CNTNAP2: variants seen among roughly 807,000 people sequenced by gnomAD.
CNTNAP2 encodes the protein contactin-associated protein-like 2.
A neutral mutation model predicts 155.2 loss-of-function variants in CNTNAP2; 98 were observed. That is an observed-to-expected ratio of 0.63 (90% CI 0.54 to 0.75). CNTNAP2 has a LOEUF of 0.75. Among genes scored for constraint, CNTNAP2 ranks in the 30% least tolerant of loss-of-function variants. The pLI is 0.00. For missense variants in CNTNAP2, 1,727 were observed against 1,688.1 expected, an observed-to-expected ratio of 1.02 and a Z score of -0.40; for synonymous variants, 651 against 631.2, an observed-to-expected ratio of 1.03 and a Z score of -0.47.
At chr7:147,782,789 ACT>A (rs1324789594) in intron 13 of CNTNAP2, among the ~76,000 whole-genome samples, 1 of 151,578 alleles carries the variant, frequency 6.6e-6, no homozygotes, top group East Asian at 1.9e-4. Context: ...CGCTAATTTT[ACT>A]CTCTCTCTCC....
chr7:146,397,755 C>G (rs867773198), intron 1 of CNTNAP2, among the ~76,000 whole-genome samples: 4 of 152,170 alleles, frequency 2.6e-5, no homozygotes, highest in Middle Eastern at 3.4e-3. Context: ...AGGAATAATC[C>G]ATTGTTATAC....
intron 9 of CNTNAP2, among the ~76,000 whole-genome samples, chr7:147,311,875 T>C (rs1037182775): frequency 2.0e-5 from 3 of 152,190 alleles, no homozygotes; most frequent in African/African-American, 7.2e-5. Context: ...CCCGTGCCTA[T>C]AACTGTGATG....
intron 9 of CNTNAP2, among the ~76,000 whole-genome samples, chr7:147,303,152 G>C (rs62485030): frequency 0.035 from 5,268 of 152,266 alleles, 125 homozygotes; most frequent in South Asian, 0.052. Flanking sequence ...TTCACACAAG[G>C]CTGGGTGTGT....
chr7:148,223,401 G>A (rs1795787467), intron 19 of CNTNAP2, among the ~76,000 whole-genome samples: 1 of 152,188 alleles, frequency 6.6e-6, no homozygotes, highest in South Asian at 2.1e-4. Context: ...CCCTGTAAGT[G>A]TGTGCTGATG....
intron 1 of CNTNAP2, among the ~76,000 whole-genome samples, chr7:146,370,236 A>G (rs557648195): frequency 1.4e-5 from 2 of 147,244 alleles, no homozygotes; most frequent in Admixed American, 1.4e-4. Flanking sequence ...AGCCTGGCCA[A>G]TAGGTGAAAC....
At chr7:146,935,763 C>A (rs148419234) in intron 3 of CNTNAP2, among the ~76,000 whole-genome samples, 1 of 152,160 alleles carries the variant, frequency 6.6e-6, no homozygotes, top group African/African-American at 2.4e-5. Flanking sequence ...TTGGGTATTA[C>A]AGACACTCAG....
intron 17 of CNTNAP2, among the ~76,000 whole-genome samples, chr7:148,148,551 A>G (rs1805238465): frequency 6.6e-6 from 1 of 152,240 alleles, no homozygotes; most frequent in Non-Finnish European, 1.5e-5. Context: ...CAACTGTGGA[A>G]GTCTCAGACA....
intron 1 of CNTNAP2, among the ~76,000 whole-genome samples, chr7:146,707,750 A>G (rs943694572): frequency 6.6e-5 from 10 of 152,080 alleles, no homozygotes; most frequent in African/African-American, 2.4e-4. Flanking sequence ...ACTAATGGAA[A>G]CTCTAGAAAA....
intron 12 of CNTNAP2, among the ~76,000 whole-genome samples, chr7:147,586,512 C>CAG (rs111306967): frequency 0.027 from 796 of 29,542 alleles, 16 homozygotes; most frequent in Non-Finnish European, 0.034. Context: ...CACACACCCA[C>CAG]AGAGAGAGAA....
intron 8 of CNTNAP2, among the ~76,000 whole-genome samples, chr7:147,194,691 T>C (rs1231992564): frequency 6.6e-6 from 1 of 152,234 alleles, no homozygotes; most frequent in Admixed American, 6.5e-5. Context: ...TTGAGCTTTT[T>C]TTCATATGTT....
chr7:147,804,548 T>G (rs899092707), intron 13 of CNTNAP2, among the ~76,000 whole-genome samples: 19 of 142,308 alleles, frequency 1.3e-4, no homozygotes, highest in African/African-American at 3.5e-4. Context: ...CAGTTTTTGT[T>G]TTTTTGTTTG....
rs905688163 is a variant in CNTNAP2 at position 147,812,402 on chromosome 7, C to T, written c.2099-91163C>T. 2.6e-5 allele frequency among the ~76,000 whole-genome samples: 4 copies of T among 151,702 alleles called. No individual in the cohort carries two copies. In the East Asian group the frequency reaches 5.8e-4, roughly 22 times the overall value. ...GAAAGATCATTTACCTTGATAGAGGCATTCATCTATTCTGTTAGGAAGAAG... is the reference window on the plus strand; with the variant it reads ...GAAAGATCATTTACCTTGATAGAGGTATTCATCTATTCTGTTAGGAAGAAG... On this transcript the variant is annotated intron_variant, in intron 13 of 23. Transcript: ENST00000361727.
chr7:147,348,204 C>T (rs1249984228), intron 9 of CNTNAP2, among the ~76,000 whole-genome samples: 1 of 151,910 alleles, frequency 6.6e-6, no homozygotes, highest in Non-Finnish European at 1.5e-5. Context: ...CAACAAAGGA[C>T]ATAATCAACA....
chr7:146,540,286 T>C (rs1797931358), intron 1 of CNTNAP2, among the ~76,000 whole-genome samples: 1 of 152,032 alleles, frequency 6.6e-6, no homozygotes, highest in Non-Finnish European at 1.5e-5. Context: ...CTGTTGAGAG[T>C]TTACCTATCT....
chr7:147,365,007 G>T (rs1409308103), intron 9 of CNTNAP2, among the ~76,000 whole-genome samples: 1 of 152,124 alleles, frequency 6.6e-6, no homozygotes, highest in Non-Finnish European at 1.5e-5. Flanking sequence ...AATTAGAGAT[G>T]TTCTTCTAGC....
At chr7:146,823,594 A>C (rs984055646) in intron 2 of CNTNAP2, among the ~76,000 whole-genome samples, 4 of 147,776 alleles carry the variant, frequency 2.7e-5, no homozygotes, top group Admixed American at 6.7e-5. Context: ...CAGTATATTT[A>C]CATGGAAATA....
intron 1 of CNTNAP2, among the ~76,000 whole-genome samples, chr7:146,474,021 G>A (rs1040533144): frequency 2.0e-5 from 3 of 152,116 alleles, no homozygotes; most frequent in Middle Eastern, 3.2e-3. Flanking sequence ...TCATTTTAAT[G>A]TAGTTGGCTA....
At chr7:146,937,518 G>A (rs901683157) in intron 3 of CNTNAP2, among the ~76,000 whole-genome samples, 1 of 152,050 alleles carries the variant, frequency 6.6e-6, no homozygotes, top group Admixed American at 6.6e-5. Flanking sequence ...CCTTGCTATG[G>A]GTAGTGCTTT....
chr7:148,413,401 A>AAAAAAAATATATATATAT (rs1442990213), intron 23 of CNTNAP2, among the ~76,000 whole-genome samples: 2 of 45,374 alleles, frequency 4.4e-5, no homozygotes, highest in African/African-American at 2.5e-4. Flanking sequence ...TCAAAAAAAA[A>AAAAAAAATATATATATAT]ATATATATAT....
Sources: allele counts gnomAD v4.1 joint callset (sites outside exome capture counted in the v4.1 genomes callset), GRCh38; gene constraint gnomAD v4.1.1; transcripts MANE v1.5; gene names NCBI Gene and HGNC (gene_info 2026-07-23, HGNC 2026-07-21).